CLVS1: variants seen among roughly 807,000 people sequenced by gnomAD.
CLVS1 encodes the protein clavesin 1.
In CLVS1, 10 loss-of-function variants were observed where a neutral mutation model predicts 33.1. The observed-to-expected ratio is 0.30, with a 90% CI of 0.19 to 0.51. CLVS1 has a LOEUF of 0.51. CLVS1 is among the 20% of genes least tolerant of loss of function. CLVS1 has a pLI of 0.97. For synonymous variants in CLVS1, 163 were observed against 166.1 expected (o/e 0.98, Z 0.14); for missense variants, 343 against 433.4 (o/e 0.79, Z 1.85).
At chr8:61,144,099 G>C (rs917322526) in intron 2 of CLVS1, among the ~76,000 whole-genome samples, 1 of 151,672 alleles carries the variant, frequency 6.6e-6, no homozygotes, top group Non-Finnish European at 1.5e-5. Flanking sequence ...TGTGCAGAAC[G>C]TGCAGGTTTG....
chr8:61,204,494 TA>T, intron 2 of CLVS1, among the ~76,000 whole-genome samples: 1 of 152,350 alleles, frequency 6.6e-6, no homozygotes, highest in South Asian at 2.1e-4. Flanking sequence ...TACTTAATGC[TA>T]AGGACGTTTT....
At chr8:61,056,508 CA>C (rs1436859858), upstream of CLVS1, among the ~76,000 whole-genome samples, 1 of 152,192 alleles carries the variant, frequency 6.6e-6, no homozygotes, top group Non-Finnish European at 1.5e-5. Flanking sequence ...TGGTCTGAGG[CA>C]AACAAGATCA....
chr8:61,304,533 C>T (rs1810549466), intron 2 of CLVS1, among the ~76,000 whole-genome samples: 1 of 152,244 alleles, frequency 6.6e-6, no homozygotes, highest in Non-Finnish European at 1.5e-5. Flanking sequence ...GAGTTTTTAT[C>T]CCAGCTCCCC....
intron 3 of CLVS1, among the ~76,000 whole-genome samples, chr8:61,419,123 G>A (rs1453227984): frequency 1.3e-5 from 2 of 152,154 alleles, no homozygotes; most frequent in African/African-American, 4.8e-5. Flanking sequence ...TATTGGCTGG[G>A]CGTGGTGTCT....
intron 2 of CLVS1, among the ~76,000 whole-genome samples, chr8:61,150,293 C>T (rs1806503364): frequency 6.6e-6 from 1 of 152,202 alleles, no homozygotes; most frequent in African/African-American, 2.4e-5. Context: ...AGGCACTGAG[C>T]TTGCCAAAGG....
the CLVS1 span, among the ~76,000 whole-genome samples, chr8:61,046,827 G>A: frequency 2.0e-4 from 30 of 151,810 alleles, no homozygotes; most frequent in Non-Finnish European, 4.1e-4. Flanking sequence ...TGTGATTTTT[G>A]TACATTGATT....
chr8:61,428,187 C>T (rs1237318024), intron 3 of CLVS1, among the ~76,000 whole-genome samples: 1 of 152,168 alleles, frequency 6.6e-6, no homozygotes, highest in Non-Finnish European at 1.5e-5. Context: ...CAACTGAGTC[C>T]ACCTGCTTAG....
At chr8:61,156,271 C>A (rs865821548) in intron 2 of CLVS1, among the ~76,000 whole-genome samples, 2 of 149,364 alleles carry the variant, frequency 1.3e-5, no homozygotes, top group African/African-American at 4.9e-5. Context: ...CCTCCCATCA[C>A]CTGGGTCTCC....
chr8:61,341,425 G>A (rs997502270), intron 2 of CLVS1, among the ~76,000 whole-genome samples: 3 of 152,218 alleles, frequency 2.0e-5, no homozygotes, highest in African/African-American at 7.2e-5. Context: ...TTCACAGCTG[G>A]CTGTTCTTTC....
At chr8:61,348,344 G>C (rs1459492730) in intron 2 of CLVS1, among the ~76,000 whole-genome samples, 1 of 137,982 alleles carries the variant, frequency 7.2e-6, no homozygotes, top group African/African-American at 2.6e-5. Context: ...AGTGGGGGGA[G>C]GGGGGAGGGA....
upstream of CLVS1, among the ~76,000 whole-genome samples, chr8:61,287,482 T>A (rs1211581659): frequency 6.6e-6 from 1 of 152,208 alleles, no homozygotes; most frequent in Non-Finnish European, 1.5e-5. Context: ...CTTACCGATC[T>A]TTTTCTTTTT....
intron 2 of CLVS1, chr8:61,202,828 G>C: frequency 9.2e-7 from 1 of 1,091,176 alleles, no homozygotes; most frequent in Non-Finnish European, 1.4e-6. Flanking sequence ...AAAACTTGCT[G>C]CTGATGAAGA....
intron 5 of CLVS1, among the ~76,000 whole-genome samples, chr8:61,473,943 C>T (rs927488246): frequency 1.3e-5 from 2 of 152,076 alleles, no homozygotes; most frequent in African/African-American, 4.8e-5. Context: ...GTCATGTAGG[C>T]TGTTTAGAAC....
intron 3 of CLVS1, among the ~76,000 whole-genome samples, chr8:61,452,281 T>A (rs1299921854): frequency 2.0e-5 from 3 of 152,226 alleles, no homozygotes; most frequent in Non-Finnish European, 2.9e-5. Context: ...CAAGTATTAT[T>A]TAGAGTTCCA....
intron 3 of CLVS1, 118 bp downstream of exon 3, chr8:61,376,897 C>T (rs1813667391): frequency 1.1e-6 from 1 of 874,334 alleles, no homozygotes; most frequent in Admixed American, 3.1e-5. Flanking sequence ...GGATTAAATT[C>T]ATCTGAGTAC....
chr8:61,234,000 A>T (rs1454439361), intron 2 of CLVS1, among the ~76,000 whole-genome samples: 1 of 152,126 alleles, frequency 6.6e-6, no homozygotes, highest in East Asian at 1.9e-4. Flanking sequence ...AAATGATTGG[A>T]TGGTGAGTCT....
chr8:61,229,178 T>C (rs1458182894), intron 2 of CLVS1, among the ~76,000 whole-genome samples: 1 of 152,240 alleles, frequency 6.6e-6, no homozygotes, highest in Admixed American at 6.5e-5. Context: ...ATGAGTAAGT[T>C]AAAGCTCAAC....
rs1231421490 is a variant in CLVS1, at chr8:61,129,735, C to T, written c.-242-2035C>T. On this transcript the variant is annotated intron_variant, in intron 1 of 2. Transcript: ENST00000522621. Reference sequence around the variant, plus strand: ...AGGGCACTAATCCCATCAGTGAAGGCTTTGCCCTGTGATCTGGCTACCTTT... The same window carrying T: ...AGGGCACTAATCCCATCAGTGAAGGTTTTGCCCTGTGATCTGGCTACCTTT... Among the ~76,000 whole-genome samples, 5 of 152,176 alleles carry T rather than the reference C, an allele frequency of 3.3e-5. No individual in the cohort carries two copies. In the East Asian group the frequency reaches 9.6e-4, roughly 29 times the overall value.
intron 1 of CLVS1, among the ~76,000 whole-genome samples, chr8:61,084,995 A>G (rs1805093066): frequency 6.6e-6 from 1 of 152,254 alleles, no homozygotes; most frequent in African/African-American, 2.4e-5. Flanking sequence ...AATACCAGGA[A>G]AATGTTTTGC....
Sources: allele counts gnomAD v4.1 joint callset (sites outside exome capture counted in the v4.1 genomes callset), GRCh38; gene constraint gnomAD v4.1.1; transcripts MANE v1.5; gene names NCBI Gene and HGNC (gene_info 2026-07-23, HGNC 2026-07-21).